Variants in HS3ST2 observed in about 807,000 individuals in gnomAD.
The protein encoded by HS3ST2 is heparan sulfate-glucosamine 3-sulfotransferase 2, also known as heparan sulfate glucosamine 3-O-sulfotransferase 2.
HS3ST2 carries 17 observed loss-of-function variants against 26.3 expected under a neutral mutation model. The observed-to-expected ratio is 0.65, with a 90% CI of 0.44 to 0.97. The LOEUF (loss-of-function observed/expected upper bound fraction) is 0.97, where lower values mean the gene tolerates loss of function less well. Ranked by LOEUF, HS3ST2 falls within the 50% of genes least tolerant of loss-of-function variation. The pLI is 0.00. For missense variants in HS3ST2, 402 were observed against 501.2 expected, an observed-to-expected ratio of 0.80 and a Z score of 1.89; for synonymous variants, 237 against 219.2, an observed-to-expected ratio of 1.08 and a Z score of -0.72.
At chr16:22,870,118 A>T (rs1029178412) in intron 1 of HS3ST2, among the ~76,000 whole-genome samples, 4 of 152,124 alleles carry the variant, frequency 2.6e-5, no homozygotes, top group African/African-American at 9.7e-5. Context: ...GGTTACAGAA[A>T]GTGGCCGATG....
At chr16:22,840,186 G>A (rs1006368038) in intron 1 of HS3ST2, among the ~76,000 whole-genome samples, 12 of 152,218 alleles carry the variant, frequency 7.9e-5, no homozygotes, top group Non-Finnish European at 1.6e-4. Flanking sequence ...CCAGAGGATT[G>A]CATGGGCACA....
chr16:22,865,967 T>C (rs1224598276), intron 1 of HS3ST2, among the ~76,000 whole-genome samples: 1 of 152,138 alleles, frequency 6.6e-6, no homozygotes, highest in African/African-American at 2.4e-5. Context: ...AATTAGGCAT[T>C]GATGGAAGTC....
At chr16:22,840,835 T>TTA (rs1429704137) in intron 1 of HS3ST2, among the ~76,000 whole-genome samples, 1 of 152,128 alleles carries the variant, frequency 6.6e-6, no homozygotes, top group Non-Finnish European at 1.5e-5. Flanking sequence ...TTATTATACT[T>TTA]TAAGTTTTAG....
At position 22,831,763 on chromosome 16, in the gene HS3ST2, G is replaced by A. The variant is rs1238753798; in HGVS notation, c.485+16668G>A. 6.6e-5 allele frequency among the ~76,000 whole-genome samples: 10 copies of A among 152,114 alleles called. No homozygotes were observed. In the East Asian group the frequency reaches 1.9e-3, roughly 29 times the overall value. ...TCTCAGACAAAATGAAAATGACAGA[G>A]AACAAATCAGTAGTTCCAAGGGCTT... On this transcript the variant is annotated intron_variant, in intron 1 of 1. Transcript: ENST00000261374.
intron 1 of HS3ST2, among the ~76,000 whole-genome samples, chr16:22,897,217 T>C (rs1354402970): frequency 6.6e-6 from 1 of 152,260 alleles, no homozygotes; most frequent in Non-Finnish European, 1.5e-5. Context: ...TTTCTTTTCC[T>C]TTATCACAAG....
intron 1 of HS3ST2, among the ~76,000 whole-genome samples, chr16:22,867,576 AAGC>A (rs1271266805): frequency 1.3e-5 from 2 of 152,248 alleles, no homozygotes; most frequent in African/African-American, 2.4e-5. Context: ...CAACATGCAA[AAGC>A]AGAAATTCAA....
intron 1 of HS3ST2, among the ~76,000 whole-genome samples, chr16:22,907,402 G>T (rs1722493358): frequency 2.0e-5 from 3 of 152,206 alleles, no homozygotes; most frequent in Admixed American, 2.0e-4. Flanking sequence ...ATGAAATGCA[G>T]AATGAATTGA....
chr16:22,902,011 C>T (rs1035075209), intron 1 of HS3ST2, among the ~76,000 whole-genome samples: 1 of 152,170 alleles, frequency 6.6e-6, no homozygotes, highest in South Asian at 2.1e-4. Flanking sequence ...CAGCCCAGAT[C>T]CCCCAAGGTT....
At chr16:22,835,206 C>T (rs1306702550) in intron 1 of HS3ST2, among the ~76,000 whole-genome samples, 1 of 151,698 alleles carries the variant, frequency 6.6e-6, no homozygotes, top group Non-Finnish European at 1.5e-5. Flanking sequence ...TTTTTCTTCT[C>T]CTGACTCTTC....
In HS3ST2 at chr16:22,866,313, ACG is replaced by A. The variant is rs202146007; in HGVS notation, c.486-48630_486-48629del. Among the ~76,000 whole-genome samples, 1,132 of 149,104 alleles carry A rather than the reference ACG, an allele frequency of 7.6e-3. 13 individuals are homozygous for A. The highest frequency in any genetic ancestry group is 0.026 in the African/African-American group (1,045 of 40,026). On this transcript the variant is annotated intron_variant, in intron 1 of 1. Coordinates refer to ENST00000261374, the MANE Select transcript of HS3ST2 (RefSeq NM_006043.2). ...GGCAGAGGGGAGAATTCGCGCAAGCACGTGCGCGCGCGCGCACACACACACAC... is the reference window on the plus strand; with the variant it reads ...GGCAGAGGGGAGAATTCGCGCAAGCATGCGCGCGCGCGCACACACACACAC...
chr16:22,915,749 T>C lies in HS3ST2; in HGVS notation c.*187T>C. On this transcript the variant is annotated 3_prime_UTR_variant, in exon 2 of 2. Coordinates refer to ENST00000261374, the MANE Select transcript of HS3ST2 (RefSeq NM_006043.2). Reference sequence around the variant, plus strand: ...GACCAGAGAGTCCCTGCCACTAGTTTTCATCAGTCTGTTCAAGCAAAGTTG... The same window carrying C: ...GACCAGAGAGTCCCTGCCACTAGTTCTCATCAGTCTGTTCAAGCAAAGTTG... 1.6e-6 allele frequency: 1 copy of C among 633,924 alleles called. No individual in the cohort carries two copies. The highest frequency in any genetic ancestry group is 2.1e-5 in the South Asian group (1 of 47,698). 39.3% of individuals were successfully genotyped at this position (633,924 alleles called of 1,614,324 possible). A position where few individuals can be genotyped will look rare whatever the true frequency, so the allele number is the denominator to read the frequency against.
chr16:22,876,556 C>T (rs566020769), intron 1 of HS3ST2, among the ~76,000 whole-genome samples: 1 of 152,246 alleles, frequency 6.6e-6, no homozygotes, highest in South Asian at 2.1e-4. Context: ...GTCAACGACA[C>T]CACTATGGAA....
At chr16:22,899,337 G>C (rs945866011) in intron 1 of HS3ST2, among the ~76,000 whole-genome samples, 4 of 152,266 alleles carry the variant, frequency 2.6e-5, no homozygotes, top group African/African-American at 9.6e-5. Context: ...GTGCTGGGCA[G>C]AATAGAAAAC....
intron 1 of HS3ST2, among the ~76,000 whole-genome samples, chr16:22,870,793 G>T (rs898002277): frequency 6.6e-6 from 1 of 152,066 alleles, no homozygotes; most frequent in Non-Finnish European, 1.5e-5. Context: ...GCCACCCTTT[G>T]CACAGTCTTA....
intron 1 of HS3ST2, among the ~76,000 whole-genome samples, chr16:22,910,275 G>C (rs907348778): frequency 6.6e-6 from 1 of 152,138 alleles, no homozygotes; most frequent in Admixed American, 6.5e-5. Flanking sequence ...GTGTATTGAA[G>C]GATATTGCAA....
chr16:22,828,876 C>A (rs1901129121), intron 1 of HS3ST2, among the ~76,000 whole-genome samples: 1 of 152,188 alleles, frequency 6.6e-6, no homozygotes, highest in Non-Finnish European at 1.5e-5. Context: ...CCTTGGGTAA[C>A]TTGGCCAAAT....
intron 1 of HS3ST2, among the ~76,000 whole-genome samples, chr16:22,816,743 C>T (rs1900876574): frequency 6.6e-6 from 1 of 152,222 alleles, no homozygotes; most frequent in African/African-American, 2.4e-5. Flanking sequence ...GAGGCAAACA[C>T]ATTGAACAGC....
chr16:22,814,490 C>A lies in HS3ST2; in HGVS notation c.-121C>A. The A allele has an allele frequency of 6.7e-6, 8 of 1,195,664 alleles. No individual in the cohort carries two copies. The highest frequency in any genetic ancestry group is 1.8e-5 in the South Asian group (1 of 55,542). The allele number at this position is 1,195,664 out of a possible 1,614,324, so 74.1% of individuals were successfully genotyped here. A position where few individuals can be genotyped will look rare whatever the true frequency, so the allele number is the denominator to read the frequency against. On this transcript the variant is annotated 5_prime_UTR_variant, in exon 1 of 2. Coordinates refer to ENST00000261374, the MANE Select transcript of HS3ST2 (RefSeq NM_006043.2). Reference sequence around the variant, plus strand: ...CCCCCGGAGAAGACGGCGCCCCCAACGCCCGACCCGCGTGGCCGTGGCAGC... The same window carrying A: ...CCCCCGGAGAAGACGGCGCCCCCAAAGCCCGACCCGCGTGGCCGTGGCAGC...
chr16:22,896,401 G>A (rs1902211164), intron 1 of HS3ST2, among the ~76,000 whole-genome samples: 1 of 152,274 alleles, frequency 6.6e-6, no homozygotes, highest in Non-Finnish European at 1.5e-5. Context: ...ACCTTTTAAT[G>A]TACCCCACAT....
Sources: gnomAD v4.1 joint callset for allele counts (sites outside exome capture counted in the v4.1 genomes callset) on GRCh38, gnomAD v4.1.1 for gene constraint, MANE v1.5 for transcripts, NCBI Gene and HGNC (gene_info 2026-07-23, HGNC 2026-07-21) for gene names.